The following NDST4 variants were observed in gnomAD, a reference collection of about 807,000 sequenced individuals.
The protein encoded by NDST4 is N-heparan sulfate sulfotransferase 4.
In NDST4, 63 loss-of-function variants were observed where a neutral mutation model predicts 100.8. The ratio of observed to expected loss-of-function variants is 0.62; its 90% CI spans 0.51 to 0.77. The LOEUF is 0.77. NDST4 is among the 30% of genes least tolerant of loss of function. The probability of loss-of-function intolerance (pLI) is 0.00; values close to 1 mark genes in which losing one functional copy is unlikely to be tolerated. For synonymous variants in NDST4, 377 were observed against 361.8 expected, an observed-to-expected ratio of 1.04 and a Z score of -0.48; for missense variants, 943 against 1,018.4, an observed-to-expected ratio of 0.93 and a Z score of 1.01.
intron 6 of NDST4, among the ~76,000 whole-genome samples, chr4:114,921,087 T>C (rs535954408): frequency 6.6e-6 from 1 of 152,284 alleles, no homozygotes; most frequent in African/African-American, 2.4e-5. Flanking sequence ...AAGAACTTAG[T>C]GTTTCCAAAA....
chr4:114,882,117 T>C (rs576986278), intron 6 of NDST4, among the ~76,000 whole-genome samples: 40 of 151,830 alleles, frequency 2.6e-4, no homozygotes, highest in Non-Finnish European at 5.3e-4. Context: ...CTCTTCCCTC[T>C]CCTACTAATT....
chr4:114,975,395 G>A (rs1265820354), intron 3 of NDST4, among the ~76,000 whole-genome samples: 1 of 152,044 alleles, frequency 6.6e-6, no homozygotes, highest in East Asian at 1.9e-4. Flanking sequence ...CTATTCTATT[G>A]TTTTTGTTAT....
intron 4 of NDST4, among the ~76,000 whole-genome samples, chr4:114,943,017 TATATA>T (rs949421120): frequency 1.1e-3 from 161 of 147,434 alleles, no homozygotes; most frequent in African/African-American, 3.8e-3. Flanking sequence ...TTACATATAT[TATATA>T]ATATAATTTA....
At chr4:115,045,410 G>C (rs2126276219) in intron 2 of NDST4, among the ~76,000 whole-genome samples, 1 of 152,254 alleles carries the variant, frequency 6.6e-6, no homozygotes, top group South Asian at 2.1e-4. Flanking sequence ...CTGCTCATTA[G>C]ACTGATATAA....
chr4:115,102,438 C>A (rs968772454), intron 1 of NDST4, among the ~76,000 whole-genome samples: 2 of 151,906 alleles, frequency 1.3e-5, no homozygotes. Flanking sequence ...ATTAAAATAT[C>A]AATGATAACA....
intron 2 of NDST4, among the ~76,000 whole-genome samples, chr4:115,061,927 T>G (rs1728833212): frequency 6.6e-6 from 1 of 152,022 alleles, no homozygotes. Context: ...AAGTGACACT[T>G]CATTAGTTAA....
At chr4:114,885,034 C>T (rs541909027) in intron 6 of NDST4, among the ~76,000 whole-genome samples, 6 of 152,188 alleles carry the variant, frequency 3.9e-5, no homozygotes, top group Admixed American at 3.9e-4. Context: ...CTGCCTTTTT[C>T]CTCTTTTCTA....
intron 8 of NDST4, among the ~76,000 whole-genome samples, chr4:114,851,037 C>T (rs892180089): frequency 1.3e-5 from 2 of 152,268 alleles, no homozygotes; most frequent in East Asian, 1.9e-4. Flanking sequence ...TGAAATATCA[C>T]GTCTTTCCAT....
chr4:115,084,517 G>A (rs556330543), intron 1 of NDST4, among the ~76,000 whole-genome samples: 6 of 152,258 alleles, frequency 3.9e-5, no homozygotes, highest in African/African-American at 1.4e-4. Context: ...CCCATCACAG[G>A]CCTGGAGGCC....
intron 13 of NDST4, among the ~76,000 whole-genome samples, chr4:114,828,566 T>TAA (rs372659416): frequency 1.3e-5 from 2 of 151,698 alleles, no homozygotes; most frequent in Non-Finnish European, 2.9e-5. Context: ...AGAGAAATGC[T>TAA]AAAAAAAATA....
intron 4 of NDST4, among the ~76,000 whole-genome samples, chr4:114,941,360 A>T (rs948256016): frequency 1.3e-5 from 2 of 151,816 alleles, no homozygotes; most frequent in Non-Finnish European, 1.5e-5. Context: ...CCAAAGTATG[A>T]AGACACTTGA....
chr4:115,041,748 T>A (rs1386514515), intron 2 of NDST4, among the ~76,000 whole-genome samples: 2 of 152,124 alleles, frequency 1.3e-5, no homozygotes, highest in Admixed American at 1.3e-4. Flanking sequence ...CACATCACAT[T>A]ACATACCTGT....
chr4:115,025,032 G>A (rs1395745221), intron 2 of NDST4, among the ~76,000 whole-genome samples: 1 of 152,178 alleles, frequency 6.6e-6, no homozygotes, highest in African/African-American at 2.4e-5. Flanking sequence ...AAGGCCCTTA[G>A]CAGATGCTGG....
chr4:114,954,697 G>A (rs1474764904), intron 4 of NDST4, among the ~76,000 whole-genome samples: 2 of 151,996 alleles, frequency 1.3e-5, no homozygotes, highest in African/African-American at 4.8e-5. Context: ...TGTATATATG[G>A]TGATATCATT....
At chr4:114,972,492 T>C (rs1036772950) in intron 3 of NDST4, among the ~76,000 whole-genome samples, 10 of 151,996 alleles carry the variant, frequency 6.6e-5, no homozygotes, top group Admixed American at 5.9e-4. Flanking sequence ...TAGCTAACAG[T>C]GTTAGTATTA....
At chr4:114,951,134 A>C (rs780678817) in intron 4 of NDST4, among the ~76,000 whole-genome samples, 2 of 152,142 alleles carry the variant, frequency 1.3e-5, no homozygotes, top group African/African-American at 2.4e-5. Flanking sequence ...TTTCACACTG[A>C]AAGTGTAAAT....
At chr4:114,873,206 T>A (rs1433437829) in intron 6 of NDST4, among the ~76,000 whole-genome samples, 3 of 151,728 alleles carry the variant, frequency 2.0e-5, no homozygotes, top group Non-Finnish European at 4.4e-5. Flanking sequence ...TGGAGTATAT[T>A]CAAATCTTTT....
At chr4:114,964,569 A>G (rs963436896) in intron 4 of NDST4, among the ~76,000 whole-genome samples, 6 of 152,202 alleles carry the variant, frequency 3.9e-5, no homozygotes, top group Admixed American at 3.3e-4. Context: ...ATCTTGTTCA[A>G]TTTCCAAAAA....
chr4:114,831,651 C>G (rs1723204164), intron 12 of NDST4, among the ~76,000 whole-genome samples: 1 of 152,118 alleles, frequency 6.6e-6, no homozygotes, highest in South Asian at 2.1e-4. Context: ...TCCACAGCAG[C>G]TGTTGTAAGG....
Sources: gnomAD v4.1 joint callset for allele counts (sites outside exome capture counted in the v4.1 genomes callset) on GRCh38, gnomAD v4.1.1 for gene constraint, MANE v1.5 for transcripts, NCBI Gene and HGNC (gene_info 2026-07-23, HGNC 2026-07-21) for gene names.